The following NFKB2 variants were observed in gnomAD, a reference collection of about 807,000 sequenced individuals.
NFKB2 encodes nuclear factor kappa B subunit 2.
In NFKB2, 21 loss-of-function variants were observed where a neutral mutation model predicts 109.3. The observed-to-expected ratio is 0.19, with a 90% CI of 0.14 to 0.28. The LOEUF is 0.28. NFKB2 is among the 10% of genes least tolerant of loss of function. The probability of loss-of-function intolerance (pLI) is 1.00; values close to 1 mark genes in which losing one functional copy is unlikely to be tolerated. For synonymous variants in NFKB2, 478 were observed against 489.9 expected, an observed-to-expected ratio of 0.98 and a Z score of 0.32; for missense variants, 806 against 1,185.3, an observed-to-expected ratio of 0.68 and a Z score of 4.70.
In NFKB2 at chr10:102,400,389, C is replaced by T; in HGVS notation, c.1696C>T (p.Leu566=). The change falls in exon 16 of 23, where the codon CTG becomes TTG. Residue 566 remains leucine, a synonymous_variant. Transcript: ENST00000661543. This position sits in a 1 kb window ranked among gnomAD's most constrained non-coding sequence, Gnocchi z 6.3. The stretch of plus-strand genomic sequence containing the variant: ...TCGGCATGGAGACTCAGCCATGCAT[C>T]TGGCGCTGCGGGCAGGCGCTGGTGC... ...LDRHGDSAMH[L]ALRAGAGAPE... The T allele has an allele frequency of 6.2e-7, 1 of 1,613,566 alleles. No homozygotes were observed.
chr10:102,395,989 T>G lies in NFKB2; in HGVS notation c.21+9T>G, dbSNP rs1160587714. ...AGAGTTGCTACAACCCAGTGAGTCA[T>G]GCCGCCTGCCCCTGACCCGGCCGGC... On this transcript the variant is annotated intron_variant, in intron 2 of 22. Transcript: ENST00000661543. 1 of 1,612,210 alleles carries G rather than the reference T, an allele frequency of 6.2e-7. No individual in the cohort carries two copies. Among genetic ancestry groups the G allele is most frequent in the African/African-American group, 1.3e-5 (1 of 74,880 alleles).
rs768524479 is a variant in NFKB2, at chr10:102,397,549, G to C, written c.525G>C (p.Glu175Asp). Residue 175 changes from glutamate (E) to aspartate (D), a missense_variant, in exon 8 of 23, where the codon GAG becomes GAC. By Grantham distance (45) the Glu-to-Asp change is conservative. Transcript: ENST00000661543. The surrounding 1 kb of genome is among the most constrained non-coding windows in gnomAD (Gnocchi z 4.7). The stretch of plus-strand genomic sequence containing the variant: ...CAGAGGCCGAGCAGCGGGAGCTGGA[G>C]CAAGAGGCCAAAGAACTGAAGAAGG... ...GLTEAEQREL[E>D]QEAKELKKVM... is the part of the protein sequence containing the mutation. 3 of 1,613,550 alleles carry C rather than the reference G, an allele frequency of 1.9e-6. No homozygotes were observed. The highest frequency in any genetic ancestry group is 2.5e-6 in the Non-Finnish European group (3 of 1,179,546).
In NFKB2 at chr10:102,397,472, A is replaced by G; in HGVS notation, c.503-55A>G. The G allele has an allele frequency of 6.2e-7, 1 of 1,605,986 alleles. No homozygotes were observed. On this transcript the variant is annotated intron_variant, in intron 7 of 22. Coordinates refer to ENST00000661543, the MANE Select transcript of NFKB2 (RefSeq NM_001322934.2). The surrounding 1 kb of genome is among the most constrained non-coding windows in gnomAD (Gnocchi z 4.7). Reference sequence around the variant, plus strand: ...GGTGGGTGGGTCATGGGAGGTGCTCATGGAAGGAGCAGGGAGGGAGAAGCC... The same window carrying G: ...GGTGGGTGGGTCATGGGAGGTGCTCGTGGAAGGAGCAGGGAGGGAGAAGCC...
At position 102,401,910 on chromosome 10, in the gene NFKB2, G is replaced by A. The variant is rs2061262864; in HGVS notation, c.2459G>A (p.Ser820Asn). 1 of 1,611,130 alleles carries A rather than the reference G, an allele frequency of 6.2e-7. No homozygotes were observed. Among genetic ancestry groups the A allele is most frequent in the East Asian group, 2.2e-5 (1 of 44,822 alleles). The stretch of plus-strand genomic sequence containing the variant: ...TCACCCAGTGGCAGCCTCCTGCGCA[G>A]CTACGAGGTGGGTTGGCCTGTGCCC... ...TTSPSGSLLR[S>N]YELAGGDLAG... Residue 820 changes from serine to asparagine, a missense_variant, in exon 21 of 23, where the codon AGC becomes AAC. Ser to Asn is a conservative substitution (Grantham distance 46). Transcript: ENST00000661543. The surrounding 1 kb of genome is among the most constrained non-coding windows in gnomAD (Gnocchi z 4.2).
upstream of NFKB2, among the ~76,000 whole-genome samples, chr10:102,394,995 C>T (rs2061075203): frequency 1.3e-5 from 2 of 151,866 alleles, no homozygotes; most frequent in Non-Finnish European, 2.9e-5. Flanking sequence ...TACACACATG[C>T]TCGCTTGCAC....
Position 102,401,015 on chromosome 10 carries a change from G to T in NFKB2, c.2037G>T (p.Gly679=). 1 of 1,614,078 alleles carries T rather than the reference G, an allele frequency of 6.2e-7. No individual in the cohort carries two copies. Among genetic ancestry groups the T allele is most frequent in the East Asian group, 2.2e-5 (1 of 44,878 alleles). Residue 679 remains glycine, a synonymous_variant, in exon 18 of 23, where the codon GGG becomes GGT. Coordinates refer to ENST00000661543, the MANE Select transcript of NFKB2 (RefSeq NM_001322934.2). This position sits in a 1 kb window ranked among gnomAD's most constrained non-coding sequence, Gnocchi z 4.2. Reference sequence around the variant, plus strand: ...CCCTGCACCTGGCAGCTGGACTGGGGTACCCGACCCTCACCCGCCTCCTTC... The same window carrying T: ...CCCTGCACCTGGCAGCTGGACTGGGTTACCCGACCCTCACCCGCCTCCTTC... ...NTPLHLAAGL[G]YPTLTRLLLK...
Position 102,401,212 on chromosome 10 carries a change from C to A in NFKB2, c.2104C>A (p.Leu702Met). 1.9e-6 allele frequency: 3 copies of A among 1,604,968 alleles called. No homozygotes were observed. The highest frequency in any genetic ancestry group is 2.6e-6 in the Non-Finnish European group (3 of 1,174,568). Reference protein sequence around the residue: ...ADIHAENEEPLCPLPSPPTSD... With the variant: ...ADIHAENEEPMCPLPSPPTSD... ...CATCCATGCTGAAAACGAGGAGCCC[C>A]TGTGCCCACTGCCTTCACCCCCTAC... Residue 702 changes from leucine to methionine, a missense_variant, in exon 19 of 23, where the codon CTG (leucine) becomes ATG (methionine). Transcript: ENST00000661543. The surrounding 1 kb of genome is among the most constrained non-coding windows in gnomAD (Gnocchi z 4.2).
Position 102,399,566 on chromosome 10 carries a change from G to A in NFKB2, c.1328-11G>A, listed in dbSNP as rs775575864. On this transcript the variant is annotated splice_polypyrimidine_tract_variant and intron_variant, in intron 13 of 22. Transcript: ENST00000661543. ...GACCTAGCCCTGACCCACGCCCTCT[G>A]TGGCCCGTAGCTCGAGAGTACAACG... The A allele has an allele frequency of 1.3e-5, 20 of 1,548,834 alleles. No homozygotes were observed. Among genetic ancestry groups the A allele is most frequent in the Non-Finnish European group, 1.7e-5 (19 of 1,146,820 alleles).
chr10:102,394,736 G>A (rs1354980658), upstream of NFKB2: 8 of 152,666 alleles, frequency 5.2e-5, no homozygotes, highest in Admixed American at 5.2e-4. Flanking sequence ...ACGACACTCG[G>A]ATCCACGTCG....
At chr10:102,395,572 G>C, upstream of NFKB2, 1 of 352,478 alleles carries the variant, frequency 2.8e-6, no homozygotes, top group East Asian at 4.6e-5. Flanking sequence ...CTGAAAAGCA[G>C]CGGGAGCCCG....
In NFKB2 at chr10:102,399,616, G is replaced by T. The variant is rs1269898645; in HGVS notation, c.1367G>T (p.Arg456Leu). ...GCGCGCCTGTTCGGCCTGGCGCAGC[G>T]CAGCGCCCGAGCCCTACTCGACTAC... ...YNARLFGLAQ[R>L]SARALLDYGV... The change falls in exon 14 of 23, where the codon CGC becomes CTC. Residue 456 changes from arginine (R) to leucine (L), a missense_variant. This residue lies in a region of NFKB2 where 209 missense variants were observed against 211.9 expected (regional missense o/e 0.99). Transcript: ENST00000661543. The T allele has an allele frequency of 1.3e-6, 2 of 1,546,842 alleles. No homozygotes were observed. The highest frequency in any genetic ancestry group is 1.4e-5 in the African/African-American group (1 of 72,794).
chr10:102,399,655 A>ACG lies in NFKB2; in HGVS notation c.1416_1417dup (p.Leu473ArgfsTer10). On this transcript the variant is annotated frameshift_variant, in exon 14 of 23. Transcript: ENST00000661543. LOFTEE classifies it high-confidence loss of function. ...CTACTCGACTACGGCGTCACCGCGG[A>ACG]CGCGCGCGCGCTGCTGGCGGGACAG... 1 of 1,533,416 alleles carries ACG rather than the reference A, an allele frequency of 6.5e-7. No individual in the cohort carries two copies. Among genetic ancestry groups the ACG allele is most frequent in the Non-Finnish European group, 8.8e-7 (1 of 1,138,760 alleles). The allele number at this position is 1,533,416 out of a possible 1,614,324, so 95.0% of individuals were successfully genotyped here.
At position 102,399,418 on chromosome 10, in the gene NFKB2, C is replaced by G. The variant is rs755308165; in HGVS notation, c.1248C>G (p.Ser416=). The G allele has an allele frequency of 1.3e-6, 2 of 1,527,502 alleles. No individual in the cohort carries two copies. Among genetic ancestry groups the G allele is most frequent in the Non-Finnish European group, 8.8e-7 (1 of 1,135,296 alleles). The allele number at this position is 1,527,502 out of a possible 1,614,324, so 94.6% of individuals were successfully genotyped here. Residue 416 remains serine (S), a synonymous_variant, in exon 13 of 23, where the codon TCC becomes TCG. Coordinates refer to ENST00000661543, the MANE Select transcript of NFKB2 (RefSeq NM_001322934.2). ...QMAATVPSRD[S]GEEAAEPSAP... ...CCGCCACGGTGCCCAGCAGGGACTC[C>G]GGGGAGGAAGCCGCGGAGCCAAGCG...
chr10:102,402,408 C>G lies in NFKB2; in HGVS notation c.*32C>G. On this transcript the variant is annotated 3_prime_UTR_variant, in exon 23 of 23. Transcript: ENST00000661543. ...GCCTGCCCCCAGCCCCCTTCCCGGA[C>G]CCCCTGTACAGCGTCCCCACCTATT... 2 of 1,336,150 alleles carry G rather than the reference C, an allele frequency of 1.5e-6. No individual in the cohort carries two copies. The highest frequency in any genetic ancestry group is 2.1e-6 in the Non-Finnish European group (2 of 971,256). The allele number at this position is 1,336,150 out of a possible 1,614,324, so 82.8% of individuals were successfully genotyped here. A position where few individuals can be genotyped will look rare whatever the true frequency, so the allele number is the denominator to read the frequency against.
chr10:102,399,396 C>G lies in NFKB2; in HGVS notation c.1226C>G (p.Ala409Gly), dbSNP rs761117769. 9.7e-6 allele frequency: 15 copies of G among 1,540,820 alleles called. No homozygotes were observed. Among genetic ancestry groups the G allele is most frequent in the Non-Finnish European group, 1.2e-5 (14 of 1,142,374 alleles). ...GGCGGGGGCGGGGCGCAGATGGCCG[C>G]CACGGTGCCCAGCAGGGACTCCGGG... The part of the protein sequence containing the change: ...PGGGGGAQMA[A>G]TVPSRDSGEE... Residue 409 changes from alanine (A) to glycine (G), a missense_variant, in exon 13 of 23, where the codon GCC becomes GGC. Physicochemically the swap from Ala to Gly is moderately conservative, Grantham distance 60 (BLOSUM62 0). Transcript: ENST00000661543.
chr10:102,400,484 C>G lies in NFKB2; in HGVS notation c.1791C>G (p.Asp597Glu). 6.2e-7 allele frequency: 1 copy of G among 1,603,988 alleles called. No homozygotes were observed. The highest frequency in any genetic ancestry group is 1.1e-5 in the South Asian group (1 of 90,126). The change falls in exon 16 of 23, where the codon GAC becomes GAG. Residue 597 changes from aspartate to glutamate, a missense_variant. Transcript: ENST00000661543. This position sits in a 1 kb window ranked among gnomAD's most constrained non-coding sequence, Gnocchi z 6.3. The stretch of plus-strand genomic sequence containing the variant: ...TGCCCCAGCTGTTGCATATGCCTGA[C>G]TTTGAGGGTGAGCTCCCCATCTCAC... ...PAVPQLLHMP[D>E]FEGLYPVHLA...
Position 102,402,132 on chromosome 10 carries a change from G to C in NFKB2, c.2551G>C (p.Glu851Gln), listed in dbSNP as rs1236495469. 6.3e-7 allele frequency: 1 copy of C among 1,578,494 alleles called. No individual in the cohort carries two copies. The highest frequency in any genetic ancestry group is 8.6e-7 in the Non-Finnish European group (1 of 1,161,678). ...EEGVRLLRGP[E>Q]TRDKLPSTAE... Reference sequence around the variant, plus strand: ...GGGAGTGAGGCTGCTGAGGGGTCCAGAAACCCGAGACAAGCTGCCCAGCAC... The same window carrying C: ...GGGAGTGAGGCTGCTGAGGGGTCCACAAACCCGAGACAAGCTGCCCAGCAC... Residue 851 changes from glutamate (E) to glutamine (Q), a missense_variant, in exon 22 of 23, where the codon GAA becomes CAA. Around this residue, in one of 10 missense-constraint regions of NFKB2, gnomAD observed 211 missense variants for 268.7 expected, o/e 0.79. Coordinates refer to ENST00000661543, the MANE Select transcript of NFKB2 (RefSeq NM_001322934.2).
At position 102,400,273 on chromosome 10, in the gene NFKB2, C is replaced by T; in HGVS notation, c.1585-5C>T. On this transcript the variant is annotated splice_polypyrimidine_tract_variant and splice_region_variant and intron_variant, in intron 15 of 22. Coordinates refer to ENST00000661543, the MANE Select transcript of NFKB2 (RefSeq NM_001322934.2). The surrounding 1 kb of genome is among the most constrained non-coding windows in gnomAD (Gnocchi z 6.3). ...GGGCCTGGCTCACCCTGCTTTCATC[C>T]CCAGACGCCCCTGCACCTGGCGGTG... is the stretch of plus-strand genomic sequence containing the variant. 6.2e-7 allele frequency: 1 copy of T among 1,614,070 alleles called. No individual in the cohort carries two copies. The highest frequency in any genetic ancestry group is 2.2e-5 in the East Asian group (1 of 44,884).
chr10:102,395,055 G>A (rs1318992768), upstream of NFKB2, among the ~76,000 whole-genome samples: 1 of 128,616 alleles, frequency 7.8e-6, no homozygotes, highest in Admixed American at 9.6e-5. Flanking sequence ...CACTACAGCC[G>A]AAACACACTT....
Sources: gnomAD v4.1 joint callset for allele counts (sites outside exome capture counted in the v4.1 genomes callset) on GRCh38, gnomAD v4.1.1 for gene constraint, gnomAD v4.1.1 regional missense constraint, Gnocchi (gnomAD v3.1) non-coding constraint, MANE v1.5 for transcripts, NCBI Gene and HGNC (gene_info 2026-07-23, HGNC 2026-07-21) for gene names.